Variants in EDEM1 observed in about 807,000 individuals in gnomAD.
The protein encoded by EDEM1 is ER degradation enhancing alpha-mannosidase like protein 1.
Under a neutral mutation model 74.4 loss-of-function variants are expected in EDEM1, and 67 were observed. The observed-to-expected ratio is 0.90, with a 90% CI of 0.74 to 1.10. The LOEUF (loss-of-function observed/expected upper bound fraction) is 1.10, where lower values mean the gene tolerates loss of function less well. EDEM1 is among the 50% of genes least tolerant of loss of function. The probability of loss-of-function intolerance (pLI) is 0.00; values close to 1 mark genes in which losing one functional copy is unlikely to be tolerated. For synonymous variants in EDEM1, 382 were observed against 335.9 expected (o/e 1.14, Z -1.50); for missense variants, 926 against 851.6 (o/e 1.09, Z -1.09).
intron 4 of EDEM1, 55 bp from the exon 5 acceptor site, chr3:5,202,911 C>T (rs1220629246): frequency 2.0e-5 from 31 of 1,555,120 alleles, no homozygotes; most frequent in East Asian, 9.1e-5. Flanking sequence ...CCCGGCTTTT[C>T]AGCTCTGTGG....
chr3:5,207,257 T>C lies in EDEM1; in HGVS notation c.1322T>C (p.Phe441Ser), dbSNP rs138355105. 38 of 1,614,094 alleles carry C rather than the reference T, an allele frequency of 2.4e-5. No homozygotes were observed. The African/African-American group carries it at 4.1e-4, about 18-fold the overall frequency. The change falls in exon 7 of 12, where the codon TTT (phenylalanine) becomes TCT (serine). Residue 441 changes from phenylalanine to serine, a missense_variant. By Grantham distance (155) the Phe-to-Ser change is radical. Transcript: ENST00000256497. ...MNTWIDSLQA[F>S]FPGLQVLIGD... Reference sequence around the variant, plus strand: ...ACCTGGATTGACTCTCTGCAGGCCTTTTTCCCTGGACTGCAGGTATTTTGC... The same window carrying C: ...ACCTGGATTGACTCTCTGCAGGCCTCTTTCCCTGGACTGCAGGTATTTTGC...
At chr3:5,192,781 T>A (rs1438895175) in intron 1 of EDEM1, among the ~76,000 whole-genome samples, 2 of 152,132 alleles carry the variant, frequency 1.3e-5, no homozygotes, top group Admixed American at 1.3e-4. Context: ...CCCCCTTATT[T>A]TGGCACCTTT....
At chr3:5,195,568 C>T (rs972082863) in intron 2 of EDEM1, among the ~76,000 whole-genome samples, 23 of 152,050 alleles carry the variant, frequency 1.5e-4, no homozygotes, top group Non-Finnish European at 2.6e-4. Context: ...CTAAAAGAAC[C>T]CATAATGAAG....
In EDEM1 at chr3:5,206,611, G is replaced by A. The variant is rs561855412; in HGVS notation, c.1218-542G>A. Among the ~76,000 whole-genome samples the A allele has an allele frequency of 2.0e-5, 3 of 152,270 alleles. No homozygotes were observed. In the South Asian group the frequency reaches 6.2e-4, roughly 32 times the overall value. On this transcript the variant is annotated intron_variant, in intron 6 of 11. Transcript: ENST00000256497. Reference sequence around the variant, plus strand: ...ATTTTCTTGGGTCCATTTCTACATTGCTGTTGTAGGAACCACTTGTATGTG... The same window carrying A: ...ATTTTCTTGGGTCCATTTCTACATTACTGTTGTAGGAACCACTTGTATGTG...
chr3:5,195,255 C>T lies in EDEM1; in HGVS notation c.556C>T (p.Leu186Phe). Residue 186 changes from leucine to phenylalanine, a missense_variant, in exon 2 of 12, where the codon CTT (leucine) becomes TTT (phenylalanine). Transcript: ENST00000256497. Reference protein sequence around the residue: ...NDVLGNYSLTLVDALDTLAIM... With the variant: ...NDVLGNYSLTFVDALDTLAIM... ...TGTACTAGGGAACTACTCATTGACT[C>T]TTGTTGATGCATTGGATACACTTGC... The T allele has an allele frequency of 6.4e-7, 1 of 1,568,938 alleles. No homozygotes were observed.
Position 5,210,173 on chromosome 3 carries a change from A to G in EDEM1, c.1510-2A>G. 2 of 1,613,864 alleles carry G rather than the reference A, an allele frequency of 1.2e-6. No homozygotes were observed. Among genetic ancestry groups the G allele is most frequent in the Non-Finnish European group, 8.5e-7 (1 of 1,179,716 alleles). The stretch of plus-strand genomic sequence containing the variant: ...GATCACATTCTCTCGTGTTCTCTCT[A>G]GGCAACCAAGAATCCCTTCTACCTC... On this transcript the variant is annotated splice_acceptor_variant, in intron 8 of 11. Transcript: ENST00000256497. LOFTEE classifies it high-confidence loss of function.
At chr3:5,194,770 T>G (rs888735040) in intron 1 of EDEM1, among the ~76,000 whole-genome samples, 1 of 152,232 alleles carries the variant, frequency 6.6e-6, no homozygotes, top group Non-Finnish European at 1.5e-5. Context: ...TTTACTTCTT[T>G]TTGTGTGTAA....
In EDEM1 at chr3:5,211,472, T is replaced by A. The variant is rs188072118; in HGVS notation, c.1680+256T>A. ...AAACTGTGGGAAATCCTGGTAACGATTGATACAGAACCAGTGTTAGTTCTG... is the reference window on the plus strand; with the variant it reads ...AAACTGTGGGAAATCCTGGTAACGAATGATACAGAACCAGTGTTAGTTCTG... On this transcript the variant is annotated intron_variant, in intron 10 of 11. Coordinates refer to ENST00000256497, the MANE Select transcript of EDEM1 (RefSeq NM_014674.3). The A allele has an allele frequency of 6.3e-4, 264 of 421,298 alleles. 2 individuals are homozygous for A. Among genetic ancestry groups the A allele is most frequent in the African/African-American group, 5.0e-3 (245 of 49,482 alleles). 26.1% of individuals were successfully genotyped at this position (421,298 alleles called of 1,614,324 possible).
intron 2 of EDEM1, among the ~76,000 whole-genome samples, chr3:5,199,343 A>G (rs965443746): frequency 5.3e-5 from 8 of 152,250 alleles, no homozygotes; most frequent in South Asian, 2.1e-4. Flanking sequence ...AGGAGTGCCA[A>G]TGATTTTACA....
In EDEM1 at chr3:5,208,230, A is replaced by G; in HGVS notation, c.1476A>G (p.Pro492=). 6.2e-7 allele frequency: 1 copy of G among 1,612,698 alleles called. No homozygotes were observed. The highest frequency in any genetic ancestry group is 8.5e-7 in the Non-Finnish European group (1 of 1,179,778). Residue 492 remains proline, a synonymous_variant, in exon 8 of 12, where the codon CCA becomes CCG. Transcript: ENST00000256497. Reference sequence around the variant, plus strand: ...ACGTTCTCTTCTACCCACTGAGACCAGAGTTAGTGGAATCCACATATCTCC... The same window carrying G: ...ACGTTCTCTTCTACCCACTGAGACCGGAGTTAGTGGAATCCACATATCTCC... ...APDVLFYPLR[P]ELVESTYLLY... is the part of the protein sequence containing the mutation.
chr3:5,207,298 G>A (rs761175942), intron 7 of EDEM1, 25 bp downstream of exon 7: 2 of 1,612,476 alleles, frequency 1.2e-6, no homozygotes, highest in Non-Finnish European at 1.7e-6. Flanking sequence ...GATTTCCTAA[G>A]AATAACCAAT....
intron 6 of EDEM1, 50 bp from the exon 7 acceptor site, chr3:5,207,101 ATC>A: frequency 6.2e-7 from 1 of 1,604,066 alleles, no homozygotes; most frequent in South Asian, 1.1e-5. Flanking sequence ...AGAGGTAGAG[ATC>A]TGTCAGTGAG....
Position 5,215,949 on chromosome 3 carries a change from AGACCTTAAC to A in EDEM1, c.*36_*44del, listed in dbSNP as rs2055229636. Reference sequence around the variant, plus strand: ...TCTCTGTGAGGCCTCATCTTGAACCAGACCTTAACGACCAAACCCAGACCATGCCAAAGT... The same window carrying A: ...TCTCTGTGAGGCCTCATCTTGAACCAGACCAAACCCAGACCATGCCAAAGT... On this transcript the variant is annotated 3_prime_UTR_variant, in exon 12 of 12. Coordinates refer to ENST00000256497, the MANE Select transcript of EDEM1 (RefSeq NM_014674.3). 2 of 1,591,180 alleles carry A rather than the reference AGACCTTAAC, an allele frequency of 1.3e-6. No homozygotes were observed. Among genetic ancestry groups the A allele is most frequent in the South Asian group, 2.3e-5 (2 of 88,866 alleles).
intron 9 of EDEM1, 108 bp downstream of exon 9, chr3:5,210,356 T>A: frequency 1.9e-6 from 2 of 1,028,804 alleles, no homozygotes; most frequent in African/African-American, 3.2e-5. Context: ...ACCAGGTCAT[T>A]AATGTTACAT....
chr3:5,196,788 T>C (rs1423824812), intron 2 of EDEM1, among the ~76,000 whole-genome samples: 2 of 152,196 alleles, frequency 1.3e-5, no homozygotes, highest in Non-Finnish European at 2.9e-5. Context: ...ACCTTAGAGC[T>C]AATTTGTTGA....
intron 8 of EDEM1, 97 bp from the exon 9 acceptor site, chr3:5,210,078 C>T: frequency 9.4e-7 from 1 of 1,067,504 alleles, no homozygotes; most frequent in Non-Finnish European, 1.4e-6. Context: ...TGGCTGGCGA[C>T]TCGTCTCCAT....
chr3:5,211,229 C>A lies in EDEM1; in HGVS notation c.1680+13C>A. On this transcript the variant is annotated intron_variant, in intron 10 of 11. Coordinates refer to ENST00000256497, the MANE Select transcript of EDEM1 (RefSeq NM_014674.3). ...ATATTTGTATCTGGTATGTGTGTTGCAAGATGAACCCAGGAATATTTAGTA... is the reference window on the plus strand; with the variant it reads ...ATATTTGTATCTGGTATGTGTGTTGAAAGATGAACCCAGGAATATTTAGTA... 1 of 1,609,534 alleles carries A rather than the reference C, an allele frequency of 6.2e-7. No individual in the cohort carries two copies. Among genetic ancestry groups the A allele is most frequent in the Admixed American group, 1.7e-5 (1 of 59,988 alleles).
Position 5,187,722 on chromosome 3 carries a change from C to T in EDEM1, c.-84C>T. 1 of 1,401,498 alleles carries T rather than the reference C, an allele frequency of 7.1e-7. No individual in the cohort carries two copies. Among genetic ancestry groups the T allele is most frequent in the Non-Finnish European group, 9.3e-7 (1 of 1,077,886 alleles). The allele number at this position is 1,401,498 out of a possible 1,614,324, so 86.8% of individuals were successfully genotyped here. A position where few individuals can be genotyped will look rare whatever the true frequency, so the allele number is the denominator to read the frequency against. ...GGAGTTCCTTAAAGGGGAAGCGAGC[C>T]GGGCTACGGGGCGAGCGCGGGGTGC... On this transcript the variant is annotated 5_prime_UTR_variant, in exon 1 of 12. Transcript: ENST00000256497.
At chr3:5,214,222 G>T (rs913630392) in intron 11 of EDEM1, among the ~76,000 whole-genome samples, 55 of 152,196 alleles carry the variant, frequency 3.6e-4, no homozygotes, top group African/African-American at 1.2e-3. Context: ...CAAATAGGAT[G>T]ATTTGGAAGT....
Sources: gnomAD v4.1 joint callset for allele counts (sites outside exome capture counted in the v4.1 genomes callset) on GRCh38, gnomAD v4.1.1 for gene constraint, MANE v1.5 for transcripts, NCBI Gene and HGNC (gene_info 2026-07-23, HGNC 2026-07-21) for gene names.